Variants in ABTB3 observed in about 807,000 individuals in gnomAD.
ABTB3 encodes the protein ankyrin repeat- and BTB/POZ domain-containing protein 3.
At chr12:107,319,085 G>C in the ABTB3 span, 5 of 1,610,390 alleles carry the variant, frequency 3.1e-6, no homozygotes, top group Non-Finnish European at 4.2e-6. Context: ...CCCGTATGGC[G>C]GGAGCTGCTG....
the ABTB3 span, among the ~76,000 whole-genome samples, chr12:107,494,422 T>C: frequency 6.6e-6 from 1 of 152,100 alleles, no homozygotes; most frequent in Non-Finnish European, 1.5e-5. Flanking sequence ...AGGTAGGAGC[T>C]GGTCAGGAAT....
chr12:107,586,426 T>C, the ABTB3 span, among the ~76,000 whole-genome samples: 2 of 152,184 alleles, frequency 1.3e-5, no homozygotes, highest in East Asian at 3.9e-4. Context: ...TTCTCTCTCC[T>C]CTCTCCTTGA....
the ABTB3 span, among the ~76,000 whole-genome samples, chr12:107,343,621 G>A: frequency 6.6e-5 from 10 of 152,158 alleles, no homozygotes; most frequent in Non-Finnish European, 1.3e-4. Context: ...CCAAAGCTGG[G>A]ATGGTTATTA....
chr12:107,509,816 C>A, the ABTB3 span, among the ~76,000 whole-genome samples: 2 of 152,228 alleles, frequency 1.3e-5, no homozygotes, highest in East Asian at 3.8e-4. Flanking sequence ...ATTTCTTAAT[C>A]TGATAATTTC....
chr12:107,324,603 G>A, the ABTB3 span, among the ~76,000 whole-genome samples: 1 of 152,164 alleles, frequency 6.6e-6, no homozygotes, highest in Non-Finnish European at 1.5e-5. Flanking sequence ...TATGTTAATT[G>A]GGATGTGGGT....
chr12:107,449,163 G>A, the ABTB3 span, among the ~76,000 whole-genome samples: 7 of 152,294 alleles, frequency 4.6e-5, no homozygotes, highest in African/African-American at 1.7e-4. Flanking sequence ...CTGGGGCAGG[G>A]TACACTGCAG....
the ABTB3 span, among the ~76,000 whole-genome samples, chr12:107,373,976 G>A: frequency 4.6e-5 from 7 of 152,164 alleles, no homozygotes; most frequent in Admixed American, 6.5e-5. Context: ...AGGACTTTCC[G>A]GTGGAACTGT....
the ABTB3 span, among the ~76,000 whole-genome samples, chr12:107,443,393 G>A: frequency 6.6e-6 from 1 of 152,010 alleles, no homozygotes; most frequent in Non-Finnish European, 1.5e-5. Flanking sequence ...TACCTCCTTT[G>A]TTTTGAAGGC....
At chr12:107,599,415 T>C in the ABTB3 span, among the ~76,000 whole-genome samples, 10 of 152,230 alleles carry the variant, frequency 6.6e-5, no homozygotes, top group Non-Finnish European at 1.0e-4. Flanking sequence ...TGTGTCCGCA[T>C]GCATTTCAAC....
At chr12:107,336,657 T>C in the ABTB3 span, among the ~76,000 whole-genome samples, 1 of 152,352 alleles carries the variant, frequency 6.6e-6, no homozygotes, top group African/African-American at 2.4e-5. Flanking sequence ...TTATACTGAA[T>C]GACCCACTAA....
the ABTB3 span, among the ~76,000 whole-genome samples, chr12:107,457,054 G>T: frequency 3.0e-3 from 453 of 152,226 alleles, 3 homozygotes; most frequent in African/African-American, 0.011. Flanking sequence ...TAGAGACAGG[G>T]TTTCACTGTG....
At chr12:107,509,488 G>C in the ABTB3 span, among the ~76,000 whole-genome samples, 2 of 152,228 alleles carry the variant, frequency 1.3e-5, no homozygotes, top group South Asian at 4.1e-4. Flanking sequence ...AACAGGATTT[G>C]TTCCTGCCCT....
the ABTB3 span, among the ~76,000 whole-genome samples, chr12:107,600,225 T>C: frequency 6.6e-6 from 1 of 152,188 alleles, no homozygotes. Context: ...GCCAGCTCCA[T>C]CACCTACAAG....
At chr12:107,564,090 CTGTGTG>C in the ABTB3 span, among the ~76,000 whole-genome samples, 5,151 of 126,330 alleles carry the variant, frequency 0.041, 132 homozygotes, top group Admixed American at 0.079. Context: ...ATCTATCTCT[CTGTGTG>C]TGTGTGTGTG....
chr12:107,588,511 G>A, the ABTB3 span, among the ~76,000 whole-genome samples: 1 of 152,110 alleles, frequency 6.6e-6, no homozygotes, highest in African/African-American at 2.4e-5. Context: ...CATTTTTTGT[G>A]TGTGTGGTGT....
chr12:107,566,558 C>T, the ABTB3 span, among the ~76,000 whole-genome samples: 2 of 151,644 alleles, frequency 1.3e-5, no homozygotes, highest in Admixed American at 1.3e-4. Flanking sequence ...TTTGTTACTG[C>T]AATTTAACAC....
At chr12:107,518,957 C>T in the ABTB3 span, among the ~76,000 whole-genome samples, 4 of 152,216 alleles carry the variant, frequency 2.6e-5, no homozygotes, top group African/African-American at 9.6e-5. Flanking sequence ...CCTTCACTTA[C>T]ACTGGGAGCT....
the ABTB3 span, among the ~76,000 whole-genome samples, chr12:107,332,475 A>G: frequency 6.6e-6 from 1 of 152,018 alleles, no homozygotes; most frequent in East Asian, 1.9e-4. Flanking sequence ...TAAGATGCAG[A>G]GTGGGGACTC....
chr12:107,453,179 G>A, the ABTB3 span, among the ~76,000 whole-genome samples: 11 of 152,318 alleles, frequency 7.2e-5, no homozygotes, highest in East Asian at 2.1e-3. Context: ...GGAGTTGGGG[G>A]AGAGCAGCAT....
Sources: gnomAD v4.1 joint callset for allele counts (sites outside exome capture counted in the v4.1 genomes callset) on GRCh38, gnomAD v4.1.1 for gene constraint, MANE v1.5 for transcripts, NCBI Gene and HGNC (gene_info 2026-07-23, HGNC 2026-07-21) for gene names.